The following GALNT13 variants were observed in gnomAD, a reference collection of about 807,000 sequenced individuals.
GALNT13 encodes the protein UDP-GalNAc:polypeptide N-acetylgalactosaminyltransferase 13.
Under a neutral mutation model 64.2 loss-of-function variants are expected in GALNT13, and 28 were observed. The ratio of observed to expected loss-of-function variants is 0.44; its 90% CI spans 0.32 to 0.60. GALNT13 has a LOEUF of 0.60. Among genes scored for constraint, GALNT13 ranks in the 20% least tolerant of loss-of-function variants. The pLI, the probability that GALNT13 is intolerant of heterozygous loss-of-function variation, is 0.05. For synonymous variants in GALNT13, 214 were observed against 224.6 expected (o/e 0.95, Z 0.42); for missense variants, 577 against 669.8 (o/e 0.86, Z 1.53).
chr2:154,199,545 A>T (rs1226292560), intron 4 of GALNT13, among the ~76,000 whole-genome samples: 1 of 152,018 alleles, frequency 6.6e-6, no homozygotes, highest in Admixed American at 6.6e-5. Flanking sequence ...TTTTATGTTC[A>T]TGCAATTTAC....
At chr2:154,367,531 G>GT (rs1025391437) in intron 9 of GALNT13, among the ~76,000 whole-genome samples, 46 of 152,066 alleles carry the variant, frequency 3.0e-4, no homozygotes, top group African/African-American at 1.0e-3. Context: ...AAGAAGCATT[G>GT]TTTTTTTAAT....
At chr2:153,764,316 C>A in the GALNT13 span, among the ~76,000 whole-genome samples, 1 of 152,302 alleles carries the variant, frequency 6.6e-6, no homozygotes, top group South Asian at 2.1e-4. Flanking sequence ...GAGGGCAGAT[C>A]TCCTGAGATT....
the GALNT13 span, among the ~76,000 whole-genome samples, chr2:153,340,148 T>C: frequency 1.3e-5 from 2 of 152,164 alleles, no homozygotes; most frequent in Non-Finnish European, 2.9e-5. Flanking sequence ...TCATTGCGAT[T>C]TGGTAGGGAT....
intron 3 of GALNT13, among the ~76,000 whole-genome samples, chr2:154,014,387 C>G (rs1373702180): frequency 6.6e-6 from 1 of 151,904 alleles, no homozygotes; most frequent in Non-Finnish European, 1.5e-5. Flanking sequence ...CCAGTATTCA[C>G]TGGGGGCCAG....
the GALNT13 span, among the ~76,000 whole-genome samples, chr2:153,127,368 A>G: frequency 2.1e-4 from 32 of 152,250 alleles, no homozygotes; most frequent in African/African-American, 7.2e-4. Context: ...TCTCATATCC[A>G]TGTACCTCAG....
the GALNT13 span, among the ~76,000 whole-genome samples, chr2:153,345,635 T>TTTTCTTTCTTTC: frequency 0.019 from 1,330 of 68,816 alleles, 36 homozygotes; most frequent in East Asian, 0.033. Flanking sequence ...TTTCCTTTCT[T>TTTTCTTTCTTTC]TTTCTTTCTT....
chr2:154,287,723 G>A (rs1692355444), intron 8 of GALNT13, among the ~76,000 whole-genome samples: 1 of 151,960 alleles, frequency 6.6e-6, no homozygotes, highest in East Asian at 1.9e-4. Context: ...CTTTATTACT[G>A]TTCTTTTGAA....
the GALNT13 span, among the ~76,000 whole-genome samples, chr2:153,300,001 A>G: frequency 6.6e-6 from 1 of 152,148 alleles, no homozygotes; most frequent in South Asian, 2.1e-4. Context: ...TTGAGGCAAT[A>G]TTCTGACAGC....
the GALNT13 span, among the ~76,000 whole-genome samples, chr2:153,739,532 T>G: frequency 6.9e-6 from 1 of 145,774 alleles, no homozygotes. Context: ...TATTTATTAT[T>G]TTTTAATGTA....
chr2:153,790,781 A>C, the GALNT13 span, among the ~76,000 whole-genome samples: 3 of 152,224 alleles, frequency 2.0e-5, no homozygotes, highest in Non-Finnish European at 2.9e-5. Flanking sequence ...ACATGCAAAA[A>C]TCACTGGCAT....
At chr2:153,334,215 T>G in the GALNT13 span, among the ~76,000 whole-genome samples, 1 of 151,892 alleles carries the variant, frequency 6.6e-6, no homozygotes, top group Non-Finnish European at 1.5e-5. Flanking sequence ...TTTCATTGGA[T>G]TGAATGGAAA....
At chr2:153,383,255 T>G in the GALNT13 span, among the ~76,000 whole-genome samples, 1 of 152,080 alleles carries the variant, frequency 6.6e-6, no homozygotes, top group Non-Finnish European at 1.5e-5. Context: ...ATCTCCTAAG[T>G]GCTTAGTAAC....
chr2:154,384,456 A>T (rs1488876029), intron 9 of GALNT13, among the ~76,000 whole-genome samples: 2 of 151,900 alleles, frequency 1.3e-5, no homozygotes, highest in Admixed American at 6.6e-5. Context: ...TTAGACTGCC[A>T]TCAATTGAAA....
the GALNT13 span, among the ~76,000 whole-genome samples, chr2:153,386,773 A>G: frequency 1.3e-5 from 2 of 152,036 alleles, no homozygotes; most frequent in Admixed American, 1.3e-4. Flanking sequence ...TTTATCCCCA[A>G]AAGGATCACT....
the GALNT13 span, among the ~76,000 whole-genome samples, chr2:153,747,438 T>G: frequency 6.9e-6 from 1 of 144,574 alleles, no homozygotes; most frequent in Non-Finnish European, 1.5e-5. Flanking sequence ...TTTTTTTTTT[T>G]TTTTTTTTTT....
At chr2:154,006,246 G>A (rs1461940596) in intron 3 of GALNT13, among the ~76,000 whole-genome samples, 1 of 152,098 alleles carries the variant, frequency 6.6e-6, no homozygotes, top group East Asian at 1.9e-4. Flanking sequence ...GTGAATTACT[G>A]ATTGTTTTAT....
At chr2:153,435,303 C>A in the GALNT13 span, among the ~76,000 whole-genome samples, 282 of 152,172 alleles carry the variant, frequency 1.9e-3, 1 homozygote, top group Middle Eastern at 3.4e-3. Flanking sequence ...ATTGACTTGG[C>A]GATGCAGGCT....
the GALNT13 span, among the ~76,000 whole-genome samples, chr2:153,623,311 G>A: frequency 6.6e-6 from 1 of 152,050 alleles, no homozygotes; most frequent in Admixed American, 6.6e-5. Flanking sequence ...AGAAGACTTA[G>A]CTCTACTTAT....
chr2:153,261,776 C>G, the GALNT13 span, among the ~76,000 whole-genome samples: 1 of 152,068 alleles, frequency 6.6e-6, no homozygotes, highest in Non-Finnish European at 1.5e-5. Flanking sequence ...AGCCATGAGA[C>G]AAAGTCCTTC....
Sources: gnomAD v4.1 joint callset for allele counts (sites outside exome capture counted in the v4.1 genomes callset) on GRCh38, gnomAD v4.1.1 for gene constraint, MANE v1.5 for transcripts, NCBI Gene and HGNC (gene_info 2026-07-23, HGNC 2026-07-21) for gene names.